The following RARB variants were observed in gnomAD, a reference collection of about 807,000 sequenced individuals.
RARB encodes retinoic acid receptor beta.
RARB carries 17 observed loss-of-function variants against 51.9 expected under a neutral mutation model. The ratio of observed to expected loss-of-function variants is 0.33; its 90% confidence interval spans 0.22 to 0.49. The LOEUF (loss-of-function observed/expected upper bound fraction) is 0.49, where lower values mean the gene tolerates loss of function less well. Among genes scored for constraint, RARB ranks in the 20% least tolerant of loss-of-function variants. RARB has a pLI of 0.99. For synonymous variants in RARB, 215 were observed against 195.4 expected (o/e 1.10, Z -0.84); for missense variants, 369 against 550.8 (o/e 0.67, Z 3.30).
At position 24,905,626 on chromosome 3, in the gene RARB, T is replaced by C. The variant is rs1313513245; in HGVS notation, c.-380+46874T>C. On this transcript the variant is annotated intron_variant, in intron 2 of 11. Coordinates refer to the RARB transcript ENST00000383772. ...AGTTTGAGATTGTAAGCATTTTGTTTATTGCCTTTCTTTCCTTCTTCCCAC... is the reference window on the plus strand; with the variant it reads ...AGTTTGAGATTGTAAGCATTTTGTTCATTGCCTTTCTTTCCTTCTTCCCAC... Among the ~76,000 whole-genome samples, 5 of 152,340 alleles carry C rather than the reference T, an allele frequency of 3.3e-5. No homozygotes were observed. The South Asian group carries it at 1.0e-3, about 32-fold the overall frequency.
chr3:24,879,531 A>G (rs1703115998), intron 2 of RARB, among the ~76,000 whole-genome samples: 1 of 146,486 alleles, frequency 6.8e-6, no homozygotes, highest in South Asian at 2.2e-4. Flanking sequence ...AACAATCAAG[A>G]ATCACTTTAA....
chr3:25,378,804 T>C (rs950335545), intron 5 of RARB, among the ~76,000 whole-genome samples: 2 of 152,182 alleles, frequency 1.3e-5, no homozygotes, highest in Non-Finnish European at 2.9e-5. Flanking sequence ...CTGATAAGAA[T>C]GTGTGTCTTG....
intron 5 of RARB, among the ~76,000 whole-genome samples, chr3:25,272,740 G>T (rs1703283886): frequency 6.6e-6 from 1 of 152,148 alleles, no homozygotes; most frequent in South Asian, 2.1e-4. Context: ...AGGCTTCTGT[G>T]TCCCTGGGTC....
intron 4 of RARB, among the ~76,000 whole-genome samples, chr3:25,139,400 T>A (rs929696462): frequency 7.9e-5 from 12 of 152,170 alleles, no homozygotes; most frequent in Non-Finnish European, 1.5e-4. Flanking sequence ...TGAAACAGCC[T>A]TATTGCTGAT....
intron 5 of RARB, among the ~76,000 whole-genome samples, chr3:25,286,857 A>G (rs1488838170): frequency 1.3e-5 from 2 of 152,236 alleles, no homozygotes; most frequent in Non-Finnish European, 2.9e-5. Context: ...GCAGAGTACT[A>G]TCACTCTCAA....
intron 1 of RARB, among the ~76,000 whole-genome samples, chr3:24,847,227 C>T (rs765518844): frequency 6.6e-6 from 1 of 152,168 alleles, no homozygotes; most frequent in Non-Finnish European, 1.5e-5. Context: ...GTCTGAGAAC[C>T]ATTGTTCAAG....
chr3:25,323,281 C>G (rs138542787), intron 5 of RARB, among the ~76,000 whole-genome samples: 123 of 152,262 alleles, frequency 8.1e-4, no homozygotes, highest in Middle Eastern at 3.4e-3. Flanking sequence ...GAAATAGACC[C>G]AAGGTGGGAG....
At chr3:25,445,981 A>G (rs1414300010) in intron 1 of RARB, among the ~76,000 whole-genome samples, 1 of 152,252 alleles carries the variant, frequency 6.6e-6, no homozygotes, top group African/African-American at 2.4e-5. Flanking sequence ...TAAAACTCCC[A>G]TATTCTCCCT....
intron 2 of RARB, among the ~76,000 whole-genome samples, chr3:24,958,847 C>A (rs1696078950): frequency 1.3e-5 from 2 of 152,148 alleles, no homozygotes; most frequent in South Asian, 4.1e-4. Context: ...GTATTTTAGT[C>A]AAACACGTGA....
At chr3:25,187,860 A>C (rs946493667) in intron 5 of RARB, among the ~76,000 whole-genome samples, 2 of 152,108 alleles carry the variant, frequency 1.3e-5, no homozygotes, top group African/African-American at 2.4e-5. Flanking sequence ...TATTCATAAT[A>C]AATAAATGTT....
At chr3:24,874,199 T>C (rs1252248690) in intron 2 of RARB, among the ~76,000 whole-genome samples, 2 of 152,040 alleles carry the variant, frequency 1.3e-5, no homozygotes, top group African/African-American at 2.4e-5. Context: ...CATCAGAGAA[T>C]AGAACAATAT....
rs185626900 is a variant in RARB at position 24,919,956 on chromosome 3, T to G, written c.-380+61204T>G. Among the ~76,000 whole-genome samples the G allele has an allele frequency of 5.3e-5, 8 of 152,322 alleles. No individual in the cohort carries two copies. In the East Asian group the frequency reaches 1.5e-3, roughly 29 times the overall value. On this transcript the variant is annotated intron_variant, in intron 2 of 11. Coordinates refer to the RARB transcript ENST00000383772. Reference sequence around the variant, plus strand: ...GCCTACAAATTAAAATACGTGGGTTTTAACATGTTCATTTTGTAATAACCT... The same window carrying G: ...GCCTACAAATTAAAATACGTGGGTTGTAACATGTTCATTTTGTAATAACCT...
chr3:25,543,655 C>T (rs563210121), intron 3 of RARB, among the ~76,000 whole-genome samples: 4 of 152,176 alleles, frequency 2.6e-5, no homozygotes, highest in East Asian at 3.9e-4. Context: ...GTGAGATGGA[C>T]GATGGCAATG....
intron 1 of RARB, among the ~76,000 whole-genome samples, chr3:24,846,226 T>C (rs530255990): frequency 6.6e-6 from 1 of 152,342 alleles, no homozygotes; most frequent in African/African-American, 2.4e-5. Flanking sequence ...ACTCTGTGTC[T>C]CAAATTCCCT....
chr3:25,143,500 C>G (rs1210410171), intron 4 of RARB, among the ~76,000 whole-genome samples: 1 of 152,128 alleles, frequency 6.6e-6, no homozygotes, highest in Non-Finnish European at 1.5e-5. Flanking sequence ...GGAGGCATTC[C>G]AAAGGTGTGT....
At chr3:25,045,058 A>T (rs1017933623) in intron 2 of RARB, among the ~76,000 whole-genome samples, 7 of 152,304 alleles carry the variant, frequency 4.6e-5, no homozygotes, top group East Asian at 1.9e-4. Flanking sequence ...AAACCTAAAA[A>T]GTTTAGTTTG....
intron 4 of RARB, among the ~76,000 whole-genome samples, chr3:25,145,500 CA>C (rs61068783): frequency 6.6e-5 from 10 of 151,604 alleles, no homozygotes; most frequent in East Asian, 1.9e-4. Flanking sequence ...TTGTAAATTT[CA>C]AAAAAAAGAA....
chr3:25,476,897 A>G (rs1300038030), intron 2 of RARB, among the ~76,000 whole-genome samples: 1 of 152,198 alleles, frequency 6.6e-6, no homozygotes. Context: ...AAGTGCTATG[A>G]GAATAGGAAC....
chr3:24,962,509 A>C (rs1414427007), intron 2 of RARB, among the ~76,000 whole-genome samples: 1 of 152,190 alleles, frequency 6.6e-6, no homozygotes, highest in Non-Finnish European at 1.5e-5. Context: ...TCCCCGGGCC[A>C]CAGACCGATA....
Sources: allele counts gnomAD v4.1 joint callset (sites outside exome capture counted in the v4.1 genomes callset), GRCh38; gene constraint gnomAD v4.1.1; transcripts MANE v1.5; gene names NCBI Gene and HGNC (gene_info 2026-07-23, HGNC 2026-07-21).